ARHGEF28: variants seen among roughly 807,000 people sequenced by gnomAD.
ARHGEF28 encodes 190 kDa guanine nucleotide exchange factor.
Under a neutral mutation model 206.6 loss-of-function variants are expected in ARHGEF28, and 152 were observed. The observed-to-expected ratio is 0.74, with a 90% CI of 0.64 to 0.84. The LOEUF is 0.84. Ranked by LOEUF, ARHGEF28 falls within the 40% of genes least tolerant of loss-of-function variation. ARHGEF28 has a pLI of 0.00. For synonymous variants in ARHGEF28, 763 were observed against 776.4 expected, an observed-to-expected ratio of 0.98 and a Z score of 0.29; for missense variants, 2,028 against 2,073.2, an observed-to-expected ratio of 0.98 and a Z score of 0.42.
At chr5:73,864,977 G>T (rs1051527064) in intron 17 of ARHGEF28, 105 bp downstream of exon 17, 2 of 980,858 alleles carry the variant, frequency 2.0e-6, no homozygotes, top group East Asian at 2.6e-5. Context: ...TTTCTAAAGC[G>T]ATCATGATAG....
intron 22 of ARHGEF28, among the ~76,000 whole-genome samples, chr5:73,880,276 C>T (rs936068398): frequency 2.6e-5 from 4 of 152,164 alleles, no homozygotes; most frequent in South Asian, 2.1e-4. Context: ...CTAAGCCCGT[C>T]GGAAAAGCGC....
At chr5:73,632,143 C>T (rs1743408231) in intron 1 of ARHGEF28, among the ~76,000 whole-genome samples, 1 of 152,186 alleles carries the variant, frequency 6.6e-6, no homozygotes, top group Non-Finnish European at 1.5e-5. Context: ...TGCAGCACCA[C>T]TGCAAGTACT....
intron 2 of ARHGEF28, among the ~76,000 whole-genome samples, chr5:73,688,702 G>A (rs952524330): frequency 6.6e-6 from 1 of 152,118 alleles, no homozygotes; most frequent in Non-Finnish European, 1.5e-5. Flanking sequence ...CTGTCTCCAG[G>A]CTGGAGCACA....
At chr5:73,700,129 G>T (rs1274336623) in intron 2 of ARHGEF28, among the ~76,000 whole-genome samples, 1 of 152,176 alleles carries the variant, frequency 6.6e-6, no homozygotes, top group Non-Finnish European at 1.5e-5. Flanking sequence ...CAGTTGGTTA[G>T]ATCAATTATC....
At chr5:73,813,343 T>G (rs907261999) in intron 9 of ARHGEF28, 2 of 293,540 alleles carry the variant, frequency 6.8e-6, no homozygotes, top group African/African-American at 4.6e-5. Flanking sequence ...GCTCCCCCAC[T>G]TCTCCCTCCT....
intron 35 of ARHGEF28, among the ~76,000 whole-genome samples, chr5:73,938,672 C>T (rs186627230): frequency 1.3e-5 from 2 of 152,202 alleles, no homozygotes; most frequent in Admixed American, 1.3e-4. Flanking sequence ...TTTAGCTGTG[C>T]ATATTTGTAT....
chr5:73,847,863 C>T (rs187082366), intron 12 of ARHGEF28, among the ~76,000 whole-genome samples: 4 of 152,286 alleles, frequency 2.6e-5, no homozygotes, highest in Admixed American at 6.5e-5. Context: ...GCCTTCTTGA[C>T]GTCTAGGCCC....
rs955821268 is a variant in ARHGEF28, at chr5:73,876,833, T to C, written c.2814+3587T>C. On this transcript the variant is annotated intron_variant, in intron 22 of 35. Transcript: ENST00000513042. Reference sequence around the variant, plus strand: ...CTGGATTCGGTTTGCCAGTATTTTATTGAGGATTTTTGCATCAGTGTTCAT... The same window carrying C: ...CTGGATTCGGTTTGCCAGTATTTTACTGAGGATTTTTGCATCAGTGTTCAT... Among the ~76,000 whole-genome samples the C allele has an allele frequency of 2.0e-3, 301 of 149,600 alleles. 3 individuals carry two copies. The highest frequency in any genetic ancestry group is 2.3e-3 in the Non-Finnish European group (155 of 67,294).
intron 14 of ARHGEF28, among the ~76,000 whole-genome samples, chr5:73,853,115 C>T (rs1377371947): frequency 2.0e-5 from 3 of 152,172 alleles, no homozygotes. Context: ...GCCTAGTAGC[C>T]CTTCAGCTGG....
intron 2 of ARHGEF28, among the ~76,000 whole-genome samples, chr5:73,737,740 C>G (rs1301893182): frequency 1.3e-5 from 2 of 152,040 alleles, no homozygotes; most frequent in Admixed American, 6.6e-5. Flanking sequence ...TGGTCTTGAA[C>G]TGCTGACCTC....
rs1762751730 is a variant in ARHGEF28, at chr5:73,909,535, G to A, written c.4285G>A (p.Asp1429Asn). Residue 1429 changes from aspartate to asparagine, a missense_variant, in exon 34 of 36, where the codon GAC becomes AAC. Asp to Asn is a conservative substitution (Grantham distance 23). Coordinates refer to ENST00000513042, the MANE Select transcript of ARHGEF28 (RefSeq NM_001177693.2). Reference sequence around the variant, plus strand: ...CCCCTTGCAGGACCAGAAGTCTCGCGACGCGGACAGGCAGCATGAGGAGCT... The same window carrying A: ...CCCCTTGCAGGACCAGAAGTCTCGCAACGCGGACAGGCAGCATGAGGAGCT... ...GGPLQDQKSRDADRQHEELAN... is the reference protein window; with the variant it reads ...GGPLQDQKSRNADRQHEELAN... 1 of 1,592,740 alleles carries A rather than the reference G, an allele frequency of 6.3e-7. No homozygotes were observed. The highest frequency in any genetic ancestry group is 1.1e-5 in the South Asian group (1 of 88,332).
At chr5:73,633,309 T>G (rs1229619927) in intron 1 of ARHGEF28, among the ~76,000 whole-genome samples, 4 of 152,064 alleles carry the variant, frequency 2.6e-5, no homozygotes, top group African/African-American at 9.7e-5. Flanking sequence ...GGACCTCTGG[T>G]GTAGAGCACA....
chr5:73,927,268 T>C (rs183977070), intron 35 of ARHGEF28, among the ~76,000 whole-genome samples: 2 of 152,106 alleles, frequency 1.3e-5, no homozygotes, highest in African/African-American at 2.4e-5. Context: ...TCTTAGCTAC[T>C]TGGGGGGCTG....
At chr5:73,809,680 G>C (rs985897271) in intron 9 of ARHGEF28, among the ~76,000 whole-genome samples, 1 of 152,216 alleles carries the variant, frequency 6.6e-6, no homozygotes, top group East Asian at 1.9e-4. Context: ...ATCAAGGAAA[G>C]TTTCCTTTCT....
chr5:73,767,778 G>A (rs1752981951), intron 4 of ARHGEF28, among the ~76,000 whole-genome samples: 1 of 152,180 alleles, frequency 6.6e-6, no homozygotes, highest in Non-Finnish European at 1.5e-5. Flanking sequence ...TATAAGTAAT[G>A]AAGAACTGAA....
chr5:73,860,814 G>A (rs946198813), intron 16 of ARHGEF28, among the ~76,000 whole-genome samples: 1 of 152,208 alleles, frequency 6.6e-6, no homozygotes, highest in Non-Finnish European at 1.5e-5. Flanking sequence ...TGGGCATTTG[G>A]TTCCCTCATC....
intron 9 of ARHGEF28, among the ~76,000 whole-genome samples, chr5:73,802,870 C>CTCTGTG (rs780935234): frequency 0.013 from 1,594 of 122,198 alleles, 56 homozygotes; most frequent in African/African-American, 0.029. Flanking sequence ...AGCTCGATTG[C>CTCTGTG]TGTGTGTGTG....
intron 35 of ARHGEF28, among the ~76,000 whole-genome samples, chr5:73,937,608 A>G (rs1338881215): frequency 6.6e-6 from 1 of 152,164 alleles, no homozygotes; most frequent in African/African-American, 2.4e-5. Flanking sequence ...TGACCAAATT[A>G]TGATTGTATT....
intron 1 of ARHGEF28, among the ~76,000 whole-genome samples, chr5:73,633,389 A>G (rs898692334): frequency 1.3e-5 from 2 of 152,028 alleles, no homozygotes; most frequent in African/African-American, 4.8e-5. Context: ...CAGGTCAGAG[A>G]GACTTGGGGA....
Sources: gnomAD v4.1 joint callset for allele counts (sites outside exome capture counted in the v4.1 genomes callset) on GRCh38, gnomAD v4.1.1 for gene constraint, MANE v1.5 for transcripts, NCBI Gene and HGNC (gene_info 2026-07-23, HGNC 2026-07-21) for gene names.